The following GPHN variants were observed in gnomAD, a reference collection of about 807,000 sequenced individuals.
GPHN encodes gephyrin.
Under a neutral mutation model 95.5 loss-of-function variants are expected in GPHN, and 17 were observed. That is an observed-to-expected ratio of 0.18 (90% CI 0.12 to 0.27). The LOEUF is 0.27. Among genes scored for constraint, GPHN ranks in the 10% least tolerant of loss-of-function variants. GPHN has a pLI of 1.00. For missense variants in GPHN, 660 were observed against 978.1 expected, an observed-to-expected ratio of 0.67 and a Z score of 4.34; for synonymous variants, 320 against 322.5, an observed-to-expected ratio of 0.99 and a Z score of 0.08.
chr14:67,306,555 G>A, the GPHN span, among the ~76,000 whole-genome samples: 3 of 151,210 alleles, frequency 2.0e-5, no homozygotes, highest in Non-Finnish European at 4.4e-5. Context: ...TTTTAGTAGA[G>A]ACAGAGTTTC....
At chr14:66,917,331 T>C (rs555362321) in intron 6 of GPHN, among the ~76,000 whole-genome samples, 4 of 152,332 alleles carry the variant, frequency 2.6e-5, no homozygotes, top group African/African-American at 9.6e-5. Flanking sequence ...GCAGGCTTGT[T>C]GGATTCCAAA....
At chr14:66,678,409 C>A (rs912356112) in intron 1 of GPHN, among the ~76,000 whole-genome samples, 2 of 149,678 alleles carry the variant, frequency 1.3e-5, no homozygotes, top group Non-Finnish European at 3.0e-5. Context: ...TCATTGAATT[C>A]TTGAGTTCCG....
At chr14:67,205,040 C>T in the GPHN span, 3 of 1,552,066 alleles carry the variant, frequency 1.9e-6, no homozygotes. Flanking sequence ...TCGGGAGTCA[C>T]AGTGGTGTTT....
At chr14:67,439,565 C>CTT in the GPHN span, among the ~76,000 whole-genome samples, 1 of 124,474 alleles carries the variant, frequency 8.0e-6, no homozygotes, top group African/African-American at 4.4e-5. Flanking sequence ...TTCTTTCTTT[C>CTT]TTTCTTTCTT....
chr14:67,721,653 A>G, the GPHN span, among the ~76,000 whole-genome samples: 1 of 152,020 alleles, frequency 6.6e-6, no homozygotes, highest in African/African-American at 2.4e-5. Flanking sequence ...ACAGCTAACC[A>G]TAACAGCTGA....
intron 1 of GPHN, among the ~76,000 whole-genome samples, chr14:66,661,670 C>T (rs150661090): frequency 7.2e-5 from 11 of 152,234 alleles, no homozygotes; most frequent in Admixed American, 2.0e-4. Context: ...AACCCTGATC[C>T]GTTCTTCATC....
chr14:67,317,563 T>C, the GPHN span: 1 of 841,848 alleles, frequency 1.2e-6, no homozygotes, highest in Non-Finnish European at 1.8e-6. Context: ...ATGTTAAATA[T>C]GTGCTTGAGA....
At chr14:67,074,560 C>T (rs2153659280) in intron 11 of GPHN, among the ~76,000 whole-genome samples, 1 of 152,140 alleles carries the variant, frequency 6.6e-6, no homozygotes, top group East Asian at 1.9e-4. Context: ...TCTACAATGG[C>T]CTCTAAGTAT....
At chr14:66,908,907 A>G (rs918598547) in intron 5 of GPHN, among the ~76,000 whole-genome samples, 1 of 152,044 alleles carries the variant, frequency 6.6e-6, no homozygotes, top group African/African-American at 2.4e-5. Flanking sequence ...AAACAAGGAA[A>G]GCCTGAGCAT....
chr14:66,639,141 T>C (rs925088357), intron 1 of GPHN, among the ~76,000 whole-genome samples: 1 of 151,514 alleles, frequency 6.6e-6, no homozygotes, highest in Non-Finnish European at 1.5e-5. Flanking sequence ...TATATATGCA[T>C]AGGTGACTAG....
At chr14:66,993,378 A>C (rs973538016) in intron 9 of GPHN, among the ~76,000 whole-genome samples, 6 of 152,164 alleles carry the variant, frequency 3.9e-5, no homozygotes, top group African/African-American at 1.4e-4. Context: ...TACAAAGATA[A>C]ATCTCATTAT....
the GPHN span, chr14:67,589,819 T>C: frequency 8.6e-7 from 1 of 1,167,776 alleles, no homozygotes; most frequent in South Asian, 4.3e-5. Flanking sequence ...CTGACATTAC[T>C]TTTGACATAC....
At chr14:67,029,548 G>C (rs1395237896) in intron 10 of GPHN, among the ~76,000 whole-genome samples, 1 of 152,040 alleles carries the variant, frequency 6.6e-6, no homozygotes, top group African/African-American at 2.4e-5. Flanking sequence ...TGTTGGCCAG[G>C]CTGGTCTTGA....
chr14:67,208,609 A>G, the GPHN span, among the ~76,000 whole-genome samples: 2,921 of 152,334 alleles, frequency 0.019, 38 homozygotes, highest in Middle Eastern at 0.034. Flanking sequence ...AATGACCCAC[A>G]TTTGGTTCAA....
At chr14:67,657,441 C>T in the GPHN span, among the ~76,000 whole-genome samples, 2 of 152,246 alleles carry the variant, frequency 1.3e-5, no homozygotes, top group Non-Finnish European at 1.5e-5. Context: ...CTCAACTGCC[C>T]TAATTTTCTA....
At chr14:66,987,386 C>T (rs1020616921) in intron 9 of GPHN, among the ~76,000 whole-genome samples, 9 of 152,116 alleles carry the variant, frequency 5.9e-5, no homozygotes, top group Middle Eastern at 3.4e-3. Context: ...TGCGAGTGCG[C>T]GTGCGTGCAG....
At chr14:66,641,151 G>A (rs1007361455) in intron 1 of GPHN, among the ~76,000 whole-genome samples, 4 of 152,160 alleles carry the variant, frequency 2.6e-5, no homozygotes, top group Non-Finnish European at 5.9e-5. Flanking sequence ...GGTCCATAAC[G>A]TATGATGGTT....
the GPHN span, among the ~76,000 whole-genome samples, chr14:67,476,861 C>T: frequency 1.3e-5 from 2 of 152,118 alleles, no homozygotes; most frequent in African/African-American, 2.4e-5. Flanking sequence ...CACAGTGGCT[C>T]ACGCCTGTAA....
chr14:67,103,930 G>T (rs1242881973), intron 13 of GPHN, among the ~76,000 whole-genome samples: 1 of 152,080 alleles, frequency 6.6e-6, no homozygotes, highest in Non-Finnish European at 1.5e-5. Flanking sequence ...TTGAAAGTGG[G>T]CATCCTTGTC....
Sources: allele counts gnomAD v4.1 joint callset (sites outside exome capture counted in the v4.1 genomes callset), GRCh38; gene constraint gnomAD v4.1.1; transcripts MANE v1.5; gene names NCBI Gene and HGNC (gene_info 2026-07-23, HGNC 2026-07-21).